The following CNTNAP2 variants were observed in gnomAD, a reference collection of about 807,000 sequenced individuals.
CNTNAP2 encodes contactin associated protein 2, also known as contactin-associated protein-like 2.
A neutral mutation model predicts 155.2 loss-of-function variants in CNTNAP2; 98 were observed. The ratio of observed to expected loss-of-function variants is 0.63; its 90% CI spans 0.54 to 0.75. The LOEUF is 0.75. CNTNAP2 is among the 30% of genes least tolerant of loss of function. CNTNAP2 has a pLI of 0.00. For synonymous variants in CNTNAP2, 651 were observed against 631.2 expected (o/e 1.03, Z -0.47); for missense variants, 1,727 against 1,688.1 (o/e 1.02, Z -0.40).
rs1016830464 is a variant in CNTNAP2, at chr7:147,097,808, T to C, written c.551-10339T>C. Among the ~76,000 whole-genome samples the C allele has an allele frequency of 3.3e-5, 5 of 152,208 alleles. 1 individual carries two copies. The highest frequency in any genetic ancestry group is 4.1e-4 in the South Asian group (2 of 4,828). ...AAAATTAAGATGGTGGGAAAATGAA[T>C]TCGAATATGTAGCGTGTTTCAAAGA... On this transcript the variant is annotated intron_variant, in intron 4 of 23. Transcript: ENST00000361727.
At chr7:147,152,441 G>T (rs543589301) in intron 8 of CNTNAP2, among the ~76,000 whole-genome samples, 1 of 151,950 alleles carries the variant, frequency 6.6e-6, no homozygotes, top group South Asian at 2.1e-4. Context: ...GGTATAATGG[G>T]GATAAAAATA....
chr7:148,327,038 T>C (rs987789629), intron 21 of CNTNAP2, among the ~76,000 whole-genome samples: 3 of 152,190 alleles, frequency 2.0e-5, no homozygotes, highest in Non-Finnish European at 2.9e-5. Context: ...GGGCTCGCAG[T>C]GGCTTTCTCA....
chr7:146,126,024 T>C (rs949073244), intron 1 of CNTNAP2, among the ~76,000 whole-genome samples: 2 of 152,178 alleles, frequency 1.3e-5, no homozygotes, highest in South Asian at 2.1e-4. Context: ...GGCACTACTC[T>C]TTATGTGTAC....
At chr7:147,149,422 T>C (rs1801780424) in intron 8 of CNTNAP2, among the ~76,000 whole-genome samples, 1 of 152,098 alleles carries the variant, frequency 6.6e-6, no homozygotes, top group Admixed American at 6.6e-5. Flanking sequence ...ACCCAGGAAG[T>C]CCAGCTGGCT....
chr7:146,837,597 G>T (rs1003427773), intron 2 of CNTNAP2, among the ~76,000 whole-genome samples: 8 of 151,886 alleles, frequency 5.3e-5, no homozygotes, highest in Non-Finnish European at 7.4e-5. Flanking sequence ...TTTCCTGCTT[G>T]TCCAAATGTC....
chr7:146,157,911 G>C (rs1019404345), intron 1 of CNTNAP2, among the ~76,000 whole-genome samples: 13 of 152,200 alleles, frequency 8.5e-5, no homozygotes. Flanking sequence ...TGGAGTTTGA[G>C]ATCTGAGAAT....
At chr7:147,299,505 T>C (rs892757447) in intron 8 of CNTNAP2, among the ~76,000 whole-genome samples, 6 of 152,222 alleles carry the variant, frequency 3.9e-5, no homozygotes, top group African/African-American at 1.2e-4. Flanking sequence ...AATCCTATCA[T>C]TATTTTCCAT....
intron 9 of CNTNAP2, among the ~76,000 whole-genome samples, chr7:147,331,614 G>C (rs1795570642): frequency 6.6e-6 from 1 of 152,070 alleles, no homozygotes; most frequent in African/African-American, 2.4e-5. Flanking sequence ...AGACACAAAT[G>C]AGACTTAGAA....
At chr7:147,060,540 G>C (rs1490565132) in intron 4 of CNTNAP2, among the ~76,000 whole-genome samples, 1 of 152,048 alleles carries the variant, frequency 6.6e-6, no homozygotes, top group Non-Finnish European at 1.5e-5. Flanking sequence ...GGCAAACACG[G>C]TGAAACCCTG....
chr7:147,088,847 G>C (rs1287939524), intron 4 of CNTNAP2, among the ~76,000 whole-genome samples: 1 of 152,152 alleles, frequency 6.6e-6, no homozygotes, highest in Non-Finnish European at 1.5e-5. Context: ...AGGAGGCTGA[G>C]GCAGGAAGAT....
intron 9 of CNTNAP2, among the ~76,000 whole-genome samples, chr7:147,319,894 C>T (rs1332701698): frequency 6.6e-6 from 1 of 152,116 alleles, no homozygotes; most frequent in Non-Finnish European, 1.5e-5. Flanking sequence ...CATCAGCAAA[C>T]TCTTTTATAT....
chr7:147,691,920 T>C (rs1232046840), intron 13 of CNTNAP2, among the ~76,000 whole-genome samples: 6 of 152,136 alleles, frequency 3.9e-5, no homozygotes, highest in Admixed American at 2.0e-4. Flanking sequence ...CTGTTGTACA[T>C]GCGTGGGTTT....
At chr7:146,624,754 G>C (rs746136680) in intron 1 of CNTNAP2, among the ~76,000 whole-genome samples, 14 of 151,990 alleles carry the variant, frequency 9.2e-5, no homozygotes, top group Non-Finnish European at 1.5e-4. Flanking sequence ...GTTAATATCA[G>C]TAAGATAGCT....
intron 13 of CNTNAP2, among the ~76,000 whole-genome samples, chr7:147,875,633 C>T (rs373801920): frequency 3.3e-5 from 5 of 151,922 alleles, no homozygotes; most frequent in Admixed American, 6.6e-5. Flanking sequence ...TGGCTCATAC[C>T]GTAATCACAG....
rs1796078717 is a variant in CNTNAP2, at chr7:146,425,818, C to T, written c.97+308845C>T. Among the ~76,000 whole-genome samples, 3 of 151,996 alleles carry T rather than the reference C, an allele frequency of 2.0e-5. No individual in the cohort carries two copies. In the South Asian group the frequency reaches 6.2e-4, roughly 32 times the overall value. On this transcript the variant is annotated intron_variant, in intron 1 of 23. Transcript: ENST00000361727. ...TTTTATTATTATGATTATTGTCTTC[C>T]ACCTTTTGAGGAGAAGAAACTACAA... is the stretch of plus-strand genomic sequence containing the variant.
In CNTNAP2 at chr7:148,031,881, C is replaced by T. The variant is rs147393560; in HGVS notation, c.2383+53892C>T. On this transcript the variant is annotated intron_variant, in intron 15 of 23. Coordinates refer to ENST00000361727, the MANE Select transcript of CNTNAP2 (RefSeq NM_014141.6). Reference sequence around the variant, plus strand: ...GACATTAATTGTTTCTTCCTAATATCACAATAAATTCTCATTCCCTAAGGC... The same window carrying T: ...GACATTAATTGTTTCTTCCTAATATTACAATAAATTCTCATTCCCTAAGGC... 3.9e-5 allele frequency among the ~76,000 whole-genome samples: 6 copies of T among 152,248 alleles called. 1 individual carries two copies. The highest frequency in any genetic ancestry group is 6.8e-3 in the Middle Eastern group (2 of 294).
At chr7:146,937,351 CAAAAAA>C (rs71165050) in intron 3 of CNTNAP2, among the ~76,000 whole-genome samples, 31 of 134,860 alleles carry the variant, frequency 2.3e-4, no homozygotes, top group African/African-American at 8.7e-4. Context: ...ACTCTTGTCT[CAAAAAA>C]AAAAATAAAA....
chr7:147,810,367 C>CCTTATTTTCA (rs1317246282), intron 13 of CNTNAP2, among the ~76,000 whole-genome samples: 2 of 151,660 alleles, frequency 1.3e-5, no homozygotes, highest in African/African-American at 4.9e-5. Flanking sequence ...CTACTTTCTC[C>CCTTATTTTCA]CTTATTTTCA....
chr7:147,126,051 C>T (rs1316304052), intron 6 of CNTNAP2, among the ~76,000 whole-genome samples: 5 of 152,158 alleles, frequency 3.3e-5, no homozygotes, highest in Admixed American at 6.5e-5. Context: ...AGACTGTGTC[C>T]TCCCCCTCTT....
Sources: allele counts gnomAD v4.1 joint callset (sites outside exome capture counted in the v4.1 genomes callset), GRCh38; gene constraint gnomAD v4.1.1; transcripts MANE v1.5; gene names NCBI Gene and HGNC (gene_info 2026-07-23, HGNC 2026-07-21).